NCOA7: variants seen among roughly 807,000 people sequenced by gnomAD.
NCOA7 encodes the protein 140 kDa estrogen receptor-associated protein.
In NCOA7, 45 loss-of-function variants were observed where a neutral mutation model predicts 104.3. The observed-to-expected ratio is 0.43, with a 90% confidence interval of 0.34 to 0.55. NCOA7 has a LOEUF of 0.55. NCOA7 is among the 20% of genes least tolerant of loss of function. The pLI is 0.02. For missense variants in NCOA7, 1,041 were observed against 1,119.7 expected, an observed-to-expected ratio of 0.93 and a Z score of 1.00; for synonymous variants, 398 against 402.3, an observed-to-expected ratio of 0.99 and a Z score of 0.13.
At chr6:125,871,016 C>T (rs914542498) in intron 3 of NCOA7, among the ~76,000 whole-genome samples, 1 of 152,158 alleles carries the variant, frequency 6.6e-6, no homozygotes, top group African/African-American at 2.4e-5. Context: ...CAGGGAAAAC[C>T]TGCTCTGAAG....
At chr6:125,787,718 T>C (rs1405810982), upstream of NCOA7, among the ~76,000 whole-genome samples, 1 of 152,234 alleles carries the variant, frequency 6.6e-6, no homozygotes, top group East Asian at 1.9e-4. Flanking sequence ...TTATATTTTT[T>C]CATTAATTCA....
intron 8 of NCOA7, among the ~76,000 whole-genome samples, chr6:125,886,510 G>T (rs1784276261): frequency 6.6e-6 from 1 of 152,184 alleles, no homozygotes; most frequent in African/African-American, 2.4e-5. Context: ...TATGTTTAAT[G>T]ATCTCGATTA....
At chr6:125,915,113 A>G (rs1307197354) in intron 10 of NCOA7, among the ~76,000 whole-genome samples, 1 of 152,208 alleles carries the variant, frequency 6.6e-6, no homozygotes, top group Non-Finnish European at 1.5e-5. Context: ...AAATTGAAAG[A>G]CAGTTTTAAC....
chr6:125,841,780 C>A, intron 2 of NCOA7, among the ~76,000 whole-genome samples: 1 of 152,012 alleles, frequency 6.6e-6, no homozygotes. Context: ...AAGCAGTAGC[C>A]AGCATGTAGC....
At chr6:125,805,894 A>G (rs1473963438) in intron 1 of NCOA7, among the ~76,000 whole-genome samples, 3 of 152,188 alleles carry the variant, frequency 2.0e-5, no homozygotes, top group Admixed American at 6.5e-5. Context: ...GGGGCACCAG[A>G]TTCTAGTCAT....
intron 1 of NCOA7, among the ~76,000 whole-genome samples, chr6:125,800,600 C>G (rs185470611): frequency 2.6e-5 from 4 of 152,328 alleles, no homozygotes; most frequent in African/African-American, 9.6e-5. Flanking sequence ...TGTGTCCAGC[C>G]TAAACAAAGA....
intron 10 of NCOA7, among the ~76,000 whole-genome samples, chr6:125,910,010 AT>A: frequency 6.6e-6 from 1 of 152,328 alleles, no homozygotes; most frequent in East Asian, 1.9e-4. Flanking sequence ...AAGCACAGTC[AT>A]TCTCATTACC....
At chr6:125,814,211 G>A (rs1777358819) in intron 1 of NCOA7, among the ~76,000 whole-genome samples, 2 of 152,102 alleles carry the variant, frequency 1.3e-5, no homozygotes, top group Admixed American at 6.5e-5. Flanking sequence ...CTGGAGTGCG[G>A]TGGTGCCATC....
Position 125,919,844 on chromosome 6 carries a change from G to A in NCOA7, c.2245-1099G>A, listed in dbSNP as rs200063257. On this transcript the variant is annotated intron_variant, in intron 11 of 15. Transcript: ENST00000392477. The stretch of plus-strand genomic sequence containing the variant: ...CAGCGGGTACTTTGTATCTGTCATT[G>A]TGCATTTTGGAAATTGAGTAGTGCA... Among the ~76,000 whole-genome samples, 3 of 152,194 alleles carry A rather than the reference G, an allele frequency of 2.0e-5. No homozygotes were observed. The East Asian group carries it at 5.8e-4, about 29-fold the overall frequency.
At chr6:125,904,526 G>A (rs973749056) in intron 10 of NCOA7, among the ~76,000 whole-genome samples, 3 of 152,180 alleles carry the variant, frequency 2.0e-5, no homozygotes, top group Non-Finnish European at 4.4e-5. Context: ...GTTCCCTCCA[G>A]TAGAATGCTG....
At chr6:125,895,017 T>C (rs1257595163) in intron 10 of NCOA7, among the ~76,000 whole-genome samples, 1 of 152,172 alleles carries the variant, frequency 6.6e-6, no homozygotes, top group Non-Finnish European at 1.5e-5. Flanking sequence ...TGAATTTGGA[T>C]ACTGTTTTAT....
At position 125,921,008 on chromosome 6, in the gene NCOA7, A is replaced by G. The variant is rs143044178; in HGVS notation, c.2310A>G (p.Glu770=). 1.2e-3 allele frequency: 1,966 copies of G among 1,613,956 alleles called. 24 individuals carry two copies. The African/African-American group carries it at 0.021, about 17-fold the overall frequency. The change falls in exon 12 of 16, where the codon GAA becomes GAG. Residue 770 remains glutamate, a synonymous_variant. Transcript: ENST00000392477. ...GCAGCTACTATGAAGACGAGGACGA[A>G]GAGGTGCTGCCTGTCCTACGGCCCC... is the stretch of plus-strand genomic sequence containing the variant. ...STCSYYEDED[E]EVLPVLRPHS... is the part of the protein sequence containing the mutation.
intron 1 of NCOA7, among the ~76,000 whole-genome samples, chr6:125,810,867 T>G (rs1223311833): frequency 6.6e-6 from 1 of 152,076 alleles, no homozygotes; most frequent in South Asian, 2.1e-4. Flanking sequence ...TATTGAAAAA[T>G]AAAAAAAGCC....
chr6:125,832,624 G>T (rs186024010), intron 2 of NCOA7, among the ~76,000 whole-genome samples: 3 of 152,320 alleles, frequency 2.0e-5, no homozygotes, highest in East Asian at 3.9e-4. Flanking sequence ...TTGTCATGGG[G>T]CAGTGAAGAG....
At chr6:125,869,063 T>C (rs1200919831) in intron 3 of NCOA7, among the ~76,000 whole-genome samples, 1 of 152,232 alleles carries the variant, frequency 6.6e-6, no homozygotes, top group East Asian at 1.9e-4. Flanking sequence ...AAAGGCTACG[T>C]ACTATCTTTT....
At chr6:125,835,873 T>C (rs1583331302) in intron 2 of NCOA7, among the ~76,000 whole-genome samples, 1 of 152,358 alleles carries the variant, frequency 6.6e-6, no homozygotes, top group East Asian at 1.9e-4. Context: ...AGGCACTGGA[T>C]TTAAAGCTTT....
intron 2 of NCOA7, among the ~76,000 whole-genome samples, chr6:125,834,369 C>G (rs898375905): frequency 6.6e-6 from 1 of 152,114 alleles, no homozygotes; most frequent in Non-Finnish European, 1.5e-5. Context: ...TTTTGTTCAT[C>G]AGATAATCCC....
At chr6:125,919,313 C>T (rs1221517331) in intron 11 of NCOA7, 1 of 1,612,758 alleles carries the variant, frequency 6.2e-7, no homozygotes, top group East Asian at 2.2e-5. Context: ...AGAGAGAAAA[C>T]TTGTTCCTCA....
At chr6:125,818,210 A>G (rs1009850361) in intron 2 of NCOA7, among the ~76,000 whole-genome samples, 1 of 152,162 alleles carries the variant, frequency 6.6e-6, no homozygotes, top group Admixed American at 6.5e-5. Context: ...TGATTCCTGT[A>G]GTAAAGGTAA....
Sources: gnomAD v4.1 joint callset for allele counts (sites outside exome capture counted in the v4.1 genomes callset) on GRCh38, gnomAD v4.1.1 for gene constraint, MANE v1.5 for transcripts, NCBI Gene and HGNC (gene_info 2026-07-23, HGNC 2026-07-21) for gene names.